PDE7B: variants seen among roughly 807,000 people sequenced by gnomAD.
The protein encoded by PDE7B is phosphodiesterase 7B, also known as 3',5'-cyclic-AMP phosphodiesterase 7B.
Under a neutral mutation model 56.2 loss-of-function variants are expected in PDE7B, and 29 were observed. The ratio of observed to expected loss-of-function variants is 0.52; its 90% CI spans 0.38 to 0.70. The LOEUF (loss-of-function observed/expected upper bound fraction) is 0.70. Among genes scored for constraint, PDE7B ranks in the 30% least tolerant of loss-of-function variants. The pLI is 0.00. For synonymous variants in PDE7B, 197 were observed against 196.9 expected (o/e 1.00, Z 0.00); for missense variants, 490 against 565.0 (o/e 0.87, Z 1.35).
chr6:136,001,447 T>C (rs1775666731), intron 2 of PDE7B, among the ~76,000 whole-genome samples: 1 of 152,012 alleles, frequency 6.6e-6, no homozygotes, highest in South Asian at 2.1e-4. Flanking sequence ...AGCTGAAAAC[T>C]TTGAAAAAAA....
rs184560466 is a variant in PDE7B at position 135,893,323 on chromosome 6, T to A, written c.21+41304T>A. 6.2e-3 allele frequency among the ~76,000 whole-genome samples: 932 copies of A among 150,352 alleles called. 9 individuals are homozygous for A. Among genetic ancestry groups the A allele is most frequent in the African/African-American group, 0.021 (848 of 41,010 alleles). ...TATGAATGAGAACATGCGGTGTTTG[T>A]TTTTTGTTCCTTGAGATAGTTTGCT... On this transcript the variant is annotated intron_variant, in intron 1 of 12. Transcript: ENST00000308191.
chr6:135,932,920 C>T (rs975571132), intron 1 of PDE7B, among the ~76,000 whole-genome samples: 1 of 152,158 alleles, frequency 6.6e-6, no homozygotes, highest in African/African-American at 2.4e-5. Flanking sequence ...ATCTGTTTTA[C>T]CTGACGAGGG....
rs375369472 is a variant in PDE7B at position 136,028,032 on chromosome 6, C to T, written c.82+80508C>T. ...AGTTGTATATGTGTCTGTCTCTCCA[C>T]CAAACTTGTAAACAATTTTAAGAGA... On this transcript the variant is annotated intron_variant, in intron 2 of 12. Coordinates refer to ENST00000308191, the MANE Select transcript of PDE7B (RefSeq NM_018945.4). 3.3e-5 allele frequency among the ~76,000 whole-genome samples: 5 copies of T among 152,286 alleles called. No homozygotes were observed. The East Asian group carries it at 7.7e-4, about 23-fold the overall frequency.
chr6:136,065,071 T>G (rs1042067855), intron 2 of PDE7B, among the ~76,000 whole-genome samples: 12 of 152,204 alleles, frequency 7.9e-5, no homozygotes, highest in African/African-American at 2.9e-4. Flanking sequence ...CATATATGCC[T>G]AAAAGTCAAG....
intron 2 of PDE7B, among the ~76,000 whole-genome samples, chr6:135,972,076 A>G (rs1443888273): frequency 6.6e-6 from 1 of 151,866 alleles, no homozygotes; most frequent in Non-Finnish European, 1.5e-5. Flanking sequence ...CTCTACTGAA[A>G]ATACACAATT....
intron 1 of PDE7B, among the ~76,000 whole-genome samples, chr6:135,888,601 G>A (rs1178531543): frequency 6.6e-6 from 1 of 151,626 alleles, no homozygotes; most frequent in African/African-American, 2.4e-5. Context: ...TAGAAATATA[G>A]ATCCAAGAAG....
chr6:135,926,313 T>G (rs951086976), intron 1 of PDE7B, among the ~76,000 whole-genome samples: 1 of 152,076 alleles, frequency 6.6e-6, no homozygotes, highest in Non-Finnish European at 1.5e-5. Context: ...GGTCTCAATC[T>G]CCTGACCTCG....
chr6:136,085,216 G>A (rs1257113611), intron 2 of PDE7B, among the ~76,000 whole-genome samples: 3 of 152,144 alleles, frequency 2.0e-5, no homozygotes, highest in East Asian at 1.9e-4. Context: ...TTTGTCATCA[G>A]CATTTTATTG....
chr6:135,924,617 C>CTCTTTT (rs757490280), intron 1 of PDE7B, among the ~76,000 whole-genome samples: 37 of 49,588 alleles, frequency 7.5e-4, no homozygotes, highest in East Asian at 1.6e-3. Flanking sequence ...CTCTCTCTCT[C>CTCTTTT]TTTTTTTTTT....
intron 3 of PDE7B, among the ~76,000 whole-genome samples, chr6:136,146,636 T>C (rs1401943744): frequency 6.6e-6 from 1 of 152,192 alleles, no homozygotes; most frequent in East Asian, 1.9e-4. Context: ...CTAATTCAGG[T>C]GGAAAAATTC....
chr6:136,149,591 ACAT>A (rs1349293436), intron 5 of PDE7B, among the ~76,000 whole-genome samples: 1 of 152,238 alleles, frequency 6.6e-6, no homozygotes, highest in East Asian at 1.9e-4. Flanking sequence ...AATGTGTTTG[ACAT>A]CATCAGAAGA....
intron 2 of PDE7B, chr6:136,037,471 A>G (rs889805279): frequency 5.1e-6 from 5 of 985,408 alleles, no homozygotes; most frequent in East Asian, 1.1e-4. Flanking sequence ...AAGGAGCGAG[A>G]GTGATCAAAC....
intron 1 of PDE7B, among the ~76,000 whole-genome samples, chr6:135,868,380 G>C (rs1775305215): frequency 6.6e-6 from 1 of 152,032 alleles, no homozygotes; most frequent in Admixed American, 6.6e-5. Flanking sequence ...CCCCACTCCA[G>C]TGCCTGTGTT....
chr6:136,189,139 C>T (rs74348626), intron 12 of PDE7B, among the ~76,000 whole-genome samples: 7,878 of 152,144 alleles, frequency 0.052, 507 homozygotes, highest in African/African-American at 0.15. Flanking sequence ...TGAGAATTTT[C>T]TGAGATCTAC....
At chr6:136,057,757 G>T (rs756651692) in intron 2 of PDE7B, among the ~76,000 whole-genome samples, 33 of 152,072 alleles carry the variant, frequency 2.2e-4, no homozygotes, top group Non-Finnish European at 4.3e-4. Flanking sequence ...TTTTGTTTGA[G>T]ACGGAGTCTT....
At chr6:135,937,482 A>C (rs2128198154) in intron 1 of PDE7B, among the ~76,000 whole-genome samples, 1 of 152,212 alleles carries the variant, frequency 6.6e-6, no homozygotes, top group South Asian at 2.1e-4. Context: ...AGAGTTTTGC[A>C]TCAACAGTTT....
At chr6:135,871,491 C>T (rs1775378756) in intron 1 of PDE7B, among the ~76,000 whole-genome samples, 1 of 152,184 alleles carries the variant, frequency 6.6e-6, no homozygotes, top group Admixed American at 6.5e-5. Context: ...CTCAGCAAAG[C>T]AAGGACAGAG....
chr6:135,879,248 A>G (rs902174194), intron 1 of PDE7B, among the ~76,000 whole-genome samples: 36 of 152,274 alleles, frequency 2.4e-4, no homozygotes, highest in African/African-American at 8.2e-4. Context: ...TATTAAATAT[A>G]AAATATTTTT....
At chr6:135,907,194 A>G (rs1776131493) in intron 1 of PDE7B, among the ~76,000 whole-genome samples, 1 of 152,164 alleles carries the variant, frequency 6.6e-6, no homozygotes, top group Non-Finnish European at 1.5e-5. Context: ...CTCCCTGCAC[A>G]TGCAGGATTT....
Sources: gnomAD v4.1 joint callset for allele counts (sites outside exome capture counted in the v4.1 genomes callset) on GRCh38, gnomAD v4.1.1 for gene constraint, MANE v1.5 for transcripts, NCBI Gene and HGNC (gene_info 2026-07-23, HGNC 2026-07-21) for gene names.